DYM: variants seen among roughly 807,000 people sequenced by gnomAD.
The protein encoded by DYM is dyggve-Melchior-Clausen syndrome protein.
DYM carries 78 observed loss-of-function variants against 93.1 expected under a neutral mutation model. That is an observed-to-expected ratio of 0.84 (90% CI 0.70 to 1.01). The LOEUF (loss-of-function observed/expected upper bound fraction) is 1.01, where lower values mean the gene tolerates loss of function less well. DYM is among the 50% of genes least tolerant of loss of function. The pLI is 0.00. For missense variants in DYM, 789 were observed against 845.0 expected, an observed-to-expected ratio of 0.93 and a Z score of 0.82; for synonymous variants, 321 against 319.7, an observed-to-expected ratio of 1.00 and a Z score of -0.04.
chr18:49,170,274 C>A (rs1238311734), intron 14 of DYM, among the ~76,000 whole-genome samples: 1 of 152,170 alleles, frequency 6.6e-6, no homozygotes, highest in Non-Finnish European at 1.5e-5. Flanking sequence ...GCTAGCATTG[C>A]TGGCTCTAGA....
chr18:49,273,034 C>T (rs2094751479), intron 10 of DYM, among the ~76,000 whole-genome samples: 1 of 152,038 alleles, frequency 6.6e-6, no homozygotes, highest in Non-Finnish European at 1.5e-5. Context: ...AATCTATCAT[C>T]TAAATCAGAC....
chr18:49,045,634 A>C (rs1238937443), intron 17 of DYM, among the ~76,000 whole-genome samples: 1 of 152,234 alleles, frequency 6.6e-6, no homozygotes, highest in African/African-American at 2.4e-5. Context: ...GAGGAGAGAG[A>C]CAGAAACAGC....
intron 6 of DYM, among the ~76,000 whole-genome samples, chr18:49,354,079 T>C (rs934387344): frequency 6.6e-6 from 1 of 151,896 alleles, no homozygotes; most frequent in Non-Finnish European, 1.5e-5. Flanking sequence ...AAAGAATAAA[T>C]AGATCAACAG....
chr18:49,343,163 G>C (rs574564698), intron 6 of DYM, among the ~76,000 whole-genome samples: 3 of 152,260 alleles, frequency 2.0e-5, no homozygotes, highest in Admixed American at 6.5e-5. Context: ...ATTCAGACAA[G>C]GATAATCACC....
At position 49,038,177 on chromosome 18, in the gene DYM, A is replaced by G. The variant is rs1300519596; in HGVS notation, c.*5878T>C. Among the ~76,000 whole-genome samples, 1 of 152,178 alleles carries G rather than the reference A, an allele frequency of 6.6e-6. No individual in the cohort carries two copies. The highest frequency in any genetic ancestry group is 1.5e-5 in the Non-Finnish European group (1 of 68,024). On this transcript the variant is annotated 3_prime_UTR_variant, in exon 18 of 18. Transcript: ENST00000675505. ...TGGAGTGTGTGCCATTTGTGTTTGA[A>G]AAGTATGTTATTGAGTTTGGTGTCC...
intron 16 of DYM, among the ~76,000 whole-genome samples, chr18:49,104,346 T>C (rs935570124): frequency 8.5e-5 from 13 of 152,196 alleles, no homozygotes; most frequent in Admixed American, 2.6e-4. Flanking sequence ...TATACAATCA[T>C]GTCATCTGCA....
At chr18:49,226,680 T>C (rs1476289978) in intron 13 of DYM, among the ~76,000 whole-genome samples, 1 of 152,146 alleles carries the variant, frequency 6.6e-6, no homozygotes, top group African/African-American at 2.4e-5. Flanking sequence ...TTGAAAATAA[T>C]TTATTGATTA....
rs547590730 is a variant in DYM, at chr18:49,391,192, T to C, written c.193+401A>G. On this transcript the variant is annotated intron_variant, in intron 3 of 17. Coordinates refer to ENST00000675505, the MANE Select transcript of DYM (RefSeq NM_001353214.3). ...TGAAATTAAAATCATAAAATGATTC[T>C]GGATTCCATGCTCTTTGCCATAATA... is the stretch of plus-strand genomic sequence containing the variant. Among the ~76,000 whole-genome samples, 3 of 152,368 alleles carry C rather than the reference T, an allele frequency of 2.0e-5. No individual in the cohort carries two copies. The East Asian group carries it at 5.8e-4, about 29-fold the overall frequency.
chr18:49,220,723 T>C (rs2093315961), intron 13 of DYM, among the ~76,000 whole-genome samples: 1 of 152,152 alleles, frequency 6.6e-6, no homozygotes, highest in African/African-American at 2.4e-5. Context: ...TGAAACTGGA[T>C]CTCTTCCTTA....
At chr18:49,153,677 G>A (rs1416739040) in intron 15 of DYM, among the ~76,000 whole-genome samples, 1 of 152,056 alleles carries the variant, frequency 6.6e-6, no homozygotes, top group Non-Finnish European at 1.5e-5. Context: ...CAAACTGATA[G>A]AAATAAATAA....
chr18:49,279,653 A>G (rs1288561190), intron 10 of DYM, among the ~76,000 whole-genome samples: 1 of 152,218 alleles, frequency 6.6e-6, no homozygotes, highest in Non-Finnish European at 1.5e-5. Context: ...ACTTTCTGAA[A>G]CAGGTGATGT....
intron 6 of DYM, among the ~76,000 whole-genome samples, chr18:49,362,639 G>A (rs377268831): frequency 2.0e-4 from 31 of 152,142 alleles, no homozygotes; most frequent in Non-Finnish European, 2.8e-4. Flanking sequence ...TCAAAAAGAT[G>A]TGCCTCCTAG....
intron 1 of DYM, among the ~76,000 whole-genome samples, chr18:49,438,616 G>A (rs1288693231): frequency 6.6e-6 from 1 of 152,126 alleles, no homozygotes; most frequent in Non-Finnish European, 1.5e-5. Flanking sequence ...CTTGGCTAGT[G>A]CACCTGAGCA....
chr18:49,104,289 C>T (rs2080529572), intron 16 of DYM, among the ~76,000 whole-genome samples: 2 of 152,220 alleles, frequency 1.3e-5, no homozygotes, highest in East Asian at 3.9e-4. Context: ...CTGAAGTTGC[C>T]TATCAGCTTG....
chr18:49,234,242 T>A (rs1202557247), intron 13 of DYM, among the ~76,000 whole-genome samples: 1 of 151,896 alleles, frequency 6.6e-6, no homozygotes, highest in Non-Finnish European at 1.5e-5. Flanking sequence ...ATTGCTTGAG[T>A]CCAGGAGTTC....
At chr18:49,106,488 T>C (rs572819236) in intron 16 of DYM, among the ~76,000 whole-genome samples, 1 of 152,220 alleles carries the variant, frequency 6.6e-6, no homozygotes, top group African/African-American at 2.4e-5. Context: ...TCGATGCAGT[T>C]TCTTCCCAGC....
intron 14 of DYM, among the ~76,000 whole-genome samples, chr18:49,166,989 C>CGTGTGT (rs61299099): frequency 3.5e-5 from 5 of 142,028 alleles, no homozygotes; most frequent in Admixed American, 7.0e-5. Context: ...TCTCACATTC[C>CGTGTGT]GTGTGTGTGT....
At chr18:49,365,033 A>C (rs903839943) in intron 5 of DYM, among the ~76,000 whole-genome samples, 1 of 152,180 alleles carries the variant, frequency 6.6e-6, no homozygotes, top group Non-Finnish European at 1.5e-5. Context: ...CTATACTTCT[A>C]GAGGATGATG....
chr18:49,327,529 GT>G (rs2062988740), intron 8 of DYM, among the ~76,000 whole-genome samples: 1 of 151,788 alleles, frequency 6.6e-6, no homozygotes, highest in South Asian at 2.1e-4. Context: ...GCTAATTTTT[GT>G]GTTTTTTATA....
Sources: gnomAD v4.1 joint callset for allele counts (sites outside exome capture counted in the v4.1 genomes callset) on GRCh38, gnomAD v4.1.1 for gene constraint, MANE v1.5 for transcripts, NCBI Gene and HGNC (gene_info 2026-07-23, HGNC 2026-07-21) for gene names.